The following SLC38A11 variants were observed in gnomAD, a reference collection of about 807,000 sequenced individuals.
SLC38A11 encodes putative sodium-coupled neutral amino acid transporter 11.
Under a neutral mutation model 49.4 loss-of-function variants are expected in SLC38A11, and 51 were observed. The ratio of observed to expected loss-of-function variants is 1.03; its 90% CI spans 0.83 to 1.30. The LOEUF is 1.30. SLC38A11 is among the 50% of genes most tolerant of loss of function. The pLI is 0.00. For missense variants in SLC38A11, 574 were observed against 556.2 expected (o/e 1.03, Z -0.32); for synonymous variants, 203 against 192.9 (o/e 1.05, Z -0.43).
intron 7 of SLC38A11, chr2:164,922,263 A>G (rs967048945): frequency 3.3e-5 from 5 of 152,142 alleles, no homozygotes; most frequent in Admixed American, 2.0e-4. Flanking sequence ...CAAATATACA[A>G]TTCCGGCAGA....
intron 7 of SLC38A11, among the ~76,000 whole-genome samples, chr2:164,916,374 G>T (rs1055114935): frequency 1.3e-5 from 2 of 151,768 alleles, no homozygotes; most frequent in African/African-American, 4.8e-5. Flanking sequence ...ATTTTTTTCA[G>T]GCTTAACCTA....
chr2:164,917,286 C>T (rs533796173), intron 7 of SLC38A11, among the ~76,000 whole-genome samples: 1 of 152,244 alleles, frequency 6.6e-6, no homozygotes, highest in African/African-American at 2.4e-5. Context: ...TATTCATCCT[C>T]TATGTAAAGA....
Position 164,908,717 on chromosome 2 carries a change from C to A in SLC38A11, c.1018G>T (p.Val340Leu). The change falls in exon 11 of 12, where the codon GTA becomes TTA. Residue 340 changes from valine (V) to leucine (L), a missense_variant. Physicochemically the swap from Val to Leu is conservative, Grantham distance 32 (BLOSUM62 1). Transcript: ENST00000685975. Reference sequence around the variant, plus strand: ...GCTACAGTGATGACCATCACTGTTACAACAATGTGGAAAACCGATGAAAGA... The same window carrying A: ...GCTACAGTGATGACCATCACTGTTAAAACAATGTGGAAAACCGATGAAAGA... ...GNLSSVFHIVVTVMVITVATL... is the reference protein window; with the variant it reads ...GNLSSVFHIVLTVMVITVATL... 6.2e-7 allele frequency: 1 copy of A among 1,610,922 alleles called. No individual in the cohort carries two copies. The highest frequency in any genetic ancestry group is 8.5e-7 in the Non-Finnish European group (1 of 1,178,388).
At chr2:164,902,643 T>G (rs1354939411) in intron 11 of SLC38A11, among the ~76,000 whole-genome samples, 1 of 152,146 alleles carries the variant, frequency 6.6e-6, no homozygotes, top group Non-Finnish European at 1.5e-5. Context: ...GATGTAAAAT[T>G]ATAAATTGTA....
At chr2:164,947,695 T>C (rs1688233792) in intron 3 of SLC38A11, among the ~76,000 whole-genome samples, 1 of 152,248 alleles carries the variant, frequency 6.6e-6, no homozygotes, top group Non-Finnish European at 1.5e-5. Context: ...GTAATTAGTA[T>C]CAACAGAAAC....
chr2:164,898,209 A>T lies in SLC38A11; in HGVS notation c.*228T>A. 4.9e-6 allele frequency: 2 copies of T among 405,064 alleles called. No homozygotes were observed. The highest frequency in any genetic ancestry group is 8.8e-6 in the Non-Finnish European group (2 of 228,112). 25.1% of individuals were successfully genotyped at this position (405,064 alleles called of 1,614,324 possible). A position where few individuals can be genotyped will look rare whatever the true frequency, so the allele number is the denominator to read the frequency against. On this transcript the variant is annotated 3_prime_UTR_variant, in exon 12 of 12. Transcript: ENST00000685975. ...CTTAACTCTCCCTTCTTCAATTAGC[A>T]TTAGTGTAGTGCAGTCATTAGAACA...
intron 11 of SLC38A11, among the ~76,000 whole-genome samples, chr2:164,901,257 T>C (rs1684632453): frequency 6.6e-6 from 1 of 152,176 alleles, no homozygotes; most frequent in African/African-American, 2.4e-5. Context: ...TTATTTTTCT[T>C]TTCAATACTG....
Position 164,896,104 on chromosome 2 carries a change from C to T in SLC38A11, c.*2333G>A, listed in dbSNP as rs1288326627. 2 of 151,608 alleles carry T rather than the reference C, an allele frequency of 1.3e-5. No individual in the cohort carries two copies. The highest frequency in any genetic ancestry group is 3.9e-4 in the East Asian group (2 of 5,172). 9.4% of individuals were successfully genotyped at this position (151,608 alleles called of 1,614,324 possible). A position where few individuals can be genotyped will look rare whatever the true frequency, so the allele number is the denominator to read the frequency against. ...AGGGGAATCTCTTATTGAACTGAGG[C>T]AGAAAATAGATTGAGGGGTGGGGTT... On this transcript the variant is annotated 3_prime_UTR_variant, in exon 12 of 12. Coordinates refer to ENST00000685975, the MANE Select transcript of SLC38A11 (RefSeq NM_001351537.2).
rs1684363326 is a variant in SLC38A11 at position 164,895,331 on chromosome 2, C to T, written c.*3106G>A. Among the ~76,000 whole-genome samples the T allele has an allele frequency of 6.6e-6, 1 of 152,070 alleles. No homozygotes were observed. The highest frequency in any genetic ancestry group is 2.1e-4 in the South Asian group (1 of 4,820). ...TGAGGTAGCAAATTATTATCCTTGCCACAGTTAGTAAAGCATTCATGGGTA... is the reference window on the plus strand; with the variant it reads ...TGAGGTAGCAAATTATTATCCTTGCTACAGTTAGTAAAGCATTCATGGGTA... On this transcript the variant is annotated 3_prime_UTR_variant, in exon 12 of 12. Transcript: ENST00000685975.
At chr2:164,933,190 A>G (rs1295170053) in intron 7 of SLC38A11, among the ~76,000 whole-genome samples, 6 of 152,098 alleles carry the variant, frequency 3.9e-5, no homozygotes, top group African/African-American at 1.4e-4. Context: ...ACTGCATGTT[A>G]TAATTTCCAT....
intron 11 of SLC38A11, among the ~76,000 whole-genome samples, chr2:164,903,710 T>C (rs180873312): frequency 2.0e-5 from 3 of 152,326 alleles, no homozygotes; most frequent in Admixed American, 2.0e-4. Flanking sequence ...TGTAAAATCA[T>C]AACTGCTTAT....
At chr2:164,922,005 T>C (rs1359471375) in intron 7 of SLC38A11, 1 of 152,194 alleles carries the variant, frequency 6.6e-6, no homozygotes, top group Non-Finnish European at 1.5e-5. Context: ...TTTTGTAATA[T>C]TGTCTCAGTT....
intron 11 of SLC38A11, among the ~76,000 whole-genome samples, chr2:164,901,475 C>T (rs1436776787): frequency 6.6e-6 from 1 of 151,946 alleles, no homozygotes; most frequent in African/African-American, 2.4e-5. Context: ...ACAAATTTTT[C>T]ACCTCTTTGG....
intron 7 of SLC38A11, among the ~76,000 whole-genome samples, chr2:164,935,255 CCTCT>C (rs34575224): frequency 4.0e-5 from 6 of 151,462 alleles, no homozygotes; most frequent in East Asian, 1.9e-4. Context: ...CTAATTCAGG[CCTCT>C]CTCTGCTTTT....
intron 3 of SLC38A11, among the ~76,000 whole-genome samples, chr2:164,951,680 G>A (rs983613286): frequency 1.3e-5 from 2 of 152,168 alleles, no homozygotes; most frequent in African/African-American, 4.8e-5. Flanking sequence ...GCATCTTGGA[G>A]GATCTCTAGA....
In SLC38A11 at chr2:164,945,661, A is replaced by G. The variant is rs747461619; in HGVS notation, c.296T>C (p.Val99Ala). Reference protein sequence around the residue: ...LSGTDTYQSLVNKTFGFPGYL... With the variant: ...LSGTDTYQSLANKTFGFPGYL... Reference sequence around the variant, plus strand: ...CCCTGGAAAGCCGAAAGTTTTATTGACCAAAGACTGGTAGGTATCTGTTCC... The same window carrying G: ...CCCTGGAAAGCCGAAAGTTTTATTGGCCAAAGACTGGTAGGTATCTGTTCC... The change falls in exon 4 of 12, where the codon GTC becomes GCC. Residue 99 changes from valine (V) to alanine (A), a missense_variant. Transcript: ENST00000685975. The G allele has an allele frequency of 5.0e-6, 8 of 1,612,296 alleles. No homozygotes were observed. In the South Asian group the frequency reaches 8.8e-5, roughly 18 times the overall value.
At chr2:164,932,730 A>G (rs1424939279) in intron 7 of SLC38A11, among the ~76,000 whole-genome samples, 1 of 152,078 alleles carries the variant, frequency 6.6e-6, no homozygotes, top group Non-Finnish European at 1.5e-5. Flanking sequence ...ACTGGGACCT[A>G]TCAGAGGGTG....
At chr2:164,950,506 G>GT (rs1389957894) in intron 3 of SLC38A11, among the ~76,000 whole-genome samples, 1 of 152,010 alleles carries the variant, frequency 6.6e-6, no homozygotes, top group Non-Finnish European at 1.5e-5. Flanking sequence ...AAAGTTTTAG[G>GT]TATCTTAGGT....
chr2:164,908,724 G>T lies in SLC38A11; in HGVS notation c.1011C>A (p.His337Gln), dbSNP rs1322891469. 6.2e-7 allele frequency: 1 copy of T among 1,611,328 alleles called. No individual in the cohort carries two copies. Among genetic ancestry groups the T allele is most frequent in the Non-Finnish European group, 8.5e-7 (1 of 1,178,540 alleles). Reference protein sequence around the residue: ...FFGGNLSSVFHIVVTVMVITV... With the variant: ...FFGGNLSSVFQIVVTVMVITV... ...TGATGACCATCACTGTTACAACAAT[G>T]TGGAAAACCGATGAAAGATTCCCAC... Residue 337 changes from histidine to glutamine, a missense_variant, in exon 11 of 12, where the codon CAC (histidine) becomes CAA (glutamine). By Grantham distance (24) the His-to-Gln change is conservative. Coordinates refer to ENST00000685975, the MANE Select transcript of SLC38A11 (RefSeq NM_001351537.2).
Sources: gnomAD v4.1 joint callset for allele counts (sites outside exome capture counted in the v4.1 genomes callset) on GRCh38, gnomAD v4.1.1 for gene constraint, MANE v1.5 for transcripts, NCBI Gene and HGNC (gene_info 2026-07-23, HGNC 2026-07-21) for gene names.